PAX8: variants seen among roughly 807,000 people sequenced by gnomAD.
The protein encoded by PAX8 is paired box protein Pax-8.
In PAX8, 15 loss-of-function variants were observed where a neutral mutation model predicts 52.4. The ratio of observed to expected loss-of-function variants is 0.29; its 90% confidence interval spans 0.19 to 0.44. PAX8 has a LOEUF of 0.44. Among genes scored for constraint, PAX8 ranks in the 20% least tolerant of loss-of-function variants. PAX8 has a pLI of 1.00. For missense variants in PAX8, 554 were observed against 602.5 expected (o/e 0.92, Z 0.84); for synonymous variants, 284 against 249.7 (o/e 1.14, Z -1.29).
chr2:113,229,586 C>A (rs1689770922), intron 9 of PAX8, among the ~76,000 whole-genome samples: 1 of 152,192 alleles, frequency 6.6e-6, no homozygotes, highest in Non-Finnish European at 1.5e-5. Flanking sequence ...CAGGTGTGTT[C>A]AGTTTACCTG....
Position 113,235,697 on chromosome 2 carries a change from G to A in PAX8, c.899-115C>T, listed in dbSNP as rs868710552. ...GCGGGCGGGGCGCGGGGCAGGCTCA[G>A]CTGCCCTCAGAGTCTGGGCTGGGGA... On this transcript the variant is annotated intron_variant, in intron 8 of 11. Transcript: ENST00000429538. 1.1e-5 allele frequency: 9 copies of A among 788,244 alleles called. No individual in the cohort carries two copies. The Middle Eastern group carries it at 1.8e-3, about 159-fold the overall frequency. 48.8% of individuals were successfully genotyped at this position (788,244 alleles called of 1,614,324 possible).
chr2:113,251,250 C>T, intron 2 of PAX8, among the ~76,000 whole-genome samples: 1 of 152,114 alleles, frequency 6.6e-6, no homozygotes, highest in East Asian at 1.9e-4. Context: ...TTCCTTCCTG[C>T]ACTGGGGTTG....
rs764623767 is a variant in PAX8, at chr2:113,244,470, C to T, written c.346G>A (p.Val116Ile). ...CTGGGCACAGTGTCATTGTCACAGA[C>T]GCCCTCAGCCAGGAGCCGGTCTCGG... ...EIRDRLLAEG[V>I]CDNDTVPSVS... The change falls in exon 4 of 12, where the codon GTC becomes ATC. Residue 116 changes from valine to isoleucine, a missense_variant. This residue lies in a region of PAX8 where 109 missense variants were observed against 192.7 expected (regional missense o/e 0.57). Transcript: ENST00000429538. The T allele has an allele frequency of 3.9e-5, 63 of 1,613,966 alleles. 1 individual carries two copies. Among genetic ancestry groups the T allele is most frequent in the East Asian group, 3.6e-4 (16 of 44,898 alleles).
At position 113,246,799 on chromosome 2, in the gene PAX8, C is replaced by T. The variant is rs370069552; in HGVS notation, c.146G>A (p.Arg49His). ...GCAGCCATGGCTGACGCGGAGCTGGCGAGAGATGTCGCAGGGCCTTACACC... is the reference window on the plus strand; with the variant it reads ...GCAGCCATGGCTGACGCGGAGCTGGTGAGAGATGTCGCAGGGCCTTACACC... Reference protein sequence around the residue: ...HQGVRPCDISRQLRVSHGCVS... With the variant: ...HQGVRPCDISHQLRVSHGCVS... Residue 49 changes from arginine (R) to histidine (H), a missense_variant, in exon 3 of 12, where the codon CGC (arginine) becomes CAC (histidine). Around this residue, in one of 2 missense-constraint regions of PAX8, gnomAD observed 109 missense variants for 192.7 expected, o/e 0.57. Transcript: ENST00000429538. The T allele has an allele frequency of 1.2e-6, 2 of 1,614,066 alleles. No individual in the cohort carries two copies. The highest frequency in any genetic ancestry group is 1.7e-6 in the Non-Finnish European group (2 of 1,179,934).
chr2:113,275,885 C>A (rs1214975869), intron 2 of PAX8: 2 of 152,248 alleles, frequency 1.3e-5, no homozygotes, highest in African/African-American at 4.8e-5. Context: ...AACGTTAAGA[C>A]TCTCTGCAAG....
intron 2 of PAX8, among the ~76,000 whole-genome samples, chr2:113,264,939 G>A (rs1035762234): frequency 1.6e-4 from 25 of 152,160 alleles, no homozygotes; most frequent in Non-Finnish European, 1.5e-4. Context: ...GTTTGCATAC[G>A]GAAATAGTGG....
intron 9 of PAX8, among the ~76,000 whole-genome samples, chr2:113,233,685 AAAAAAAC>A (rs1558697169): frequency 3.2e-4 from 46 of 141,924 alleles, no homozygotes; most frequent in African/African-American, 1.3e-3. Context: ...CTCAAAAAAC[AAAAAAAC>A]AAAAAAAAAA....
At chr2:113,244,050 A>G (rs1361580598) in intron 4 of PAX8, among the ~76,000 whole-genome samples, 1 of 152,238 alleles carries the variant, frequency 6.6e-6, no homozygotes, top group Non-Finnish European at 1.5e-5. Flanking sequence ...TGATTGAGGC[A>G]GTGAGTGAAT....
At chr2:113,256,503 AC>A (rs1185775217) in intron 2 of PAX8, among the ~76,000 whole-genome samples, 2 of 152,114 alleles carry the variant, frequency 1.3e-5, no homozygotes, top group Non-Finnish European at 2.9e-5. Context: ...AAGTCCTTCC[AC>A]TATCCTTTAA....
intron 2 of PAX8, among the ~76,000 whole-genome samples, chr2:113,252,083 C>T (rs1329110432): frequency 3.3e-5 from 5 of 152,148 alleles, no homozygotes; most frequent in Non-Finnish European, 5.9e-5. Context: ...TTATCTTTTG[C>T]GGCTCTGCCC....
At chr2:113,235,278 G>A (rs1241700032) in intron 9 of PAX8, 116 bp downstream of exon 9, 3 of 846,452 alleles carry the variant, frequency 3.5e-6, no homozygotes, top group African/African-American at 3.4e-5. Flanking sequence ...GAGGAATTAG[G>A]GAACAGGGTG....
At chr2:113,261,075 C>T (rs144044700) in intron 2 of PAX8, among the ~76,000 whole-genome samples, 4 of 152,214 alleles carry the variant, frequency 2.6e-5, no homozygotes, top group African/African-American at 4.8e-5. Context: ...CCACACCTGT[C>T]GATAGCAGGC....
Position 113,245,052 on chromosome 2 carries a change from T to G in PAX8, c.192-428A>C, listed in dbSNP as rs536390716. On this transcript the variant is annotated intron_variant, in intron 3 of 11. Coordinates refer to ENST00000429538, the MANE Select transcript of PAX8 (RefSeq NM_003466.4). ...ACGACTGAGGTTTTTTTTGTTTTTT[T>G]TTTTTGTTTTTTGAGACAGGGTCTC... Among the ~76,000 whole-genome samples, 17 of 146,776 alleles carry G rather than the reference T, an allele frequency of 1.2e-4. No homozygotes were observed. In the South Asian group the frequency reaches 3.3e-3, roughly 29 times the overall value.
At chr2:113,254,877 GT>G (rs1027112137) in intron 2 of PAX8, among the ~76,000 whole-genome samples, 78 of 152,300 alleles carry the variant, frequency 5.1e-4, no homozygotes, top group African/African-American at 1.5e-3. Context: ...TTAGGAGTCG[GT>G]TCAGGAAGCT....
chr2:113,242,872 G>A, intron 4 of PAX8, 94 bp from the exon 5 acceptor site: 1 of 935,168 alleles, frequency 1.1e-6, no homozygotes. Context: ...CACCCCTTTT[G>A]GGTATCTCCA....
chr2:113,278,413 AG>A lies in PAX8; in HGVS notation c.-20del. On this transcript the variant is annotated 5_prime_UTR_variant, in exon 2 of 12. Transcript: ENST00000429538. ...GAGGCATCGCCGGGGAGTCGCTCGC[AG>A]CCCGCCGAGGGCTCGGGGCTTCCTC... The A allele has an allele frequency of 6.2e-7, 1 of 1,610,606 alleles. No homozygotes were observed. The highest frequency in any genetic ancestry group is 8.5e-7 in the Non-Finnish European group (1 of 1,178,804).
At chr2:113,275,207 G>C (rs974209108) in intron 2 of PAX8, 2 of 152,126 alleles carry the variant, frequency 1.3e-5, no homozygotes, top group Non-Finnish European at 2.9e-5. Flanking sequence ...TTATCAATCA[G>C]TGGGGCAATT....
intron 3 of PAX8, among the ~76,000 whole-genome samples, 170 bp from the exon 4 acceptor site, chr2:113,244,794 C>G (rs1156753973): frequency 6.6e-6 from 1 of 152,190 alleles, no homozygotes; most frequent in Non-Finnish European, 1.5e-5. Flanking sequence ...CTATCTGTTT[C>G]CCTCACTTGG....
chr2:113,264,390 A>G (rs1390471941), intron 2 of PAX8, among the ~76,000 whole-genome samples: 1 of 152,248 alleles, frequency 6.6e-6, no homozygotes, highest in Non-Finnish European at 1.5e-5. Flanking sequence ...ATTGCCAATT[A>G]TTATAAAGAA....
Sources: gnomAD v4.1 joint callset for allele counts (sites outside exome capture counted in the v4.1 genomes callset) on GRCh38, gnomAD v4.1.1 for gene constraint, gnomAD v4.1.1 regional missense constraint, MANE v1.5 for transcripts, NCBI Gene and HGNC (gene_info 2026-07-23, HGNC 2026-07-21) for gene names.